Variants in SNX18 observed in about 807,000 individuals in gnomAD.
SNX18 encodes the protein sorting nexin 18.
In SNX18, 35 loss-of-function variants were observed where a neutral mutation model predicts 48.7. The ratio of observed to expected loss-of-function variants is 0.72; its 90% CI spans 0.55 to 0.95. The LOEUF is 0.95. SNX18 is among the 40% of genes least tolerant of loss of function. The probability of loss-of-function intolerance (pLI) is 0.00; values close to 1 mark genes in which losing one functional copy is unlikely to be tolerated. For missense variants in SNX18, 824 were observed against 871.0 expected (o/e 0.95, Z 0.68); for synonymous variants, 492 against 384.7 (o/e 1.28, Z -3.26).
chr5:54,582,860 C>T, the SNX18 span, among the ~76,000 whole-genome samples: 1 of 151,984 alleles, frequency 6.6e-6, no homozygotes, highest in Non-Finnish European at 1.5e-5. Context: ...AGAAGCAAAC[C>T]AACCATGATA....
At chr5:54,586,357 G>A in the SNX18 span, among the ~76,000 whole-genome samples, 2 of 152,146 alleles carry the variant, frequency 1.3e-5, no homozygotes, top group Non-Finnish European at 2.9e-5. Flanking sequence ...GTGGGGAAAT[G>A]AGGGACAGAG....
rs1228442388 is a variant in SNX18, at chr5:54,518,599, C to T, written c.647C>T (p.Pro216Leu). The T allele has an allele frequency of 2.5e-6, 4 of 1,576,634 alleles. No individual in the cohort carries two copies. The highest frequency in any genetic ancestry group is 2.7e-5 in the African/African-American group (2 of 73,966). Residue 216 changes from proline (P) to leucine (L), a missense_variant, in exon 1 of 2, where the codon CCG (proline) becomes CTG (leucine). Pro to Leu is a moderately conservative substitution (Grantham distance 98). Coordinates refer to ENST00000381410, the MANE Select transcript of SNX18 (RefSeq NM_001102575.2). ...RGGSVPPQHHPSGPKSSATVS... is the reference protein window; with the variant it reads ...RGGSVPPQHHLSGPKSSATVS... The stretch of plus-strand genomic sequence containing the variant: ...GGCTCGGTCCCCCCGCAGCACCACC[C>T]GTCGGGGCCCAAGAGCTCGGCCACC...
chr5:54,593,141 A>T, the SNX18 span, among the ~76,000 whole-genome samples: 2 of 152,174 alleles, frequency 1.3e-5, no homozygotes, highest in African/African-American at 4.8e-5. Flanking sequence ...CTATGAAAAA[A>T]ATTCTAAGGG....
chr5:54,560,911 G>A, the SNX18 span, among the ~76,000 whole-genome samples: 5 of 152,186 alleles, frequency 3.3e-5, no homozygotes, highest in East Asian at 9.7e-4. Flanking sequence ...TTCCTCTTGA[G>A]GGAACCAGGC....
At chr5:54,522,806 A>G (rs985914334) in intron 1 of SNX18, among the ~76,000 whole-genome samples, 3 of 152,194 alleles carry the variant, frequency 2.0e-5, no homozygotes, top group Non-Finnish European at 4.4e-5. Context: ...TTTCCTGACT[A>G]TACTAAATAC....
At chr5:54,567,035 G>T in the SNX18 span, among the ~76,000 whole-genome samples, 3 of 152,076 alleles carry the variant, frequency 2.0e-5, no homozygotes, top group African/African-American at 7.2e-5. Flanking sequence ...TGCTTCTCTA[G>T]TACTCTTCTT....
chr5:54,519,434 C>CT lies in SNX18; in HGVS notation c.1484dup (p.Thr496HisfsTer6), dbSNP rs773355090. On this transcript the variant is annotated frameshift_variant, in exon 1 of 2. Coordinates refer to ENST00000381410, the MANE Select transcript of SNX18 (RefSeq NM_001102575.2). LOFTEE classifies it high-confidence loss of function. The stretch of plus-strand genomic sequence containing the variant: ...CGGTGGGCCTGAACCAGGCTATCGC[C>CT]TTCACCGGAGATGCCTATGACGCCA... 6.2e-7 allele frequency: 1 copy of CT among 1,614,062 alleles called. No individual in the cohort carries two copies. Among genetic ancestry groups the CT allele is most frequent in the Non-Finnish European group, 8.5e-7 (1 of 1,180,038 alleles).
the SNX18 span, among the ~76,000 whole-genome samples, chr5:54,612,644 C>T: frequency 7.6e-4 from 116 of 152,292 alleles, no homozygotes; most frequent in African/African-American, 2.6e-3. Context: ...AAAAACAAAA[C>T]ACTGTCCACT....
At chr5:54,578,061 TG>T in the SNX18 span, among the ~76,000 whole-genome samples, 5 of 152,108 alleles carry the variant, frequency 3.3e-5, no homozygotes, top group African/African-American at 7.2e-5. Flanking sequence ...CTCTTCAAGG[TG>T]GGGGGCTTGT....
chr5:54,641,794 T>G, the SNX18 span, among the ~76,000 whole-genome samples: 1 of 152,264 alleles, frequency 6.6e-6, no homozygotes, highest in East Asian at 1.9e-4. Flanking sequence ...GCTGAATGTG[T>G]GTATGTATGC....
At chr5:54,632,963 T>C in the SNX18 span, among the ~76,000 whole-genome samples, 1 of 151,818 alleles carries the variant, frequency 6.6e-6, no homozygotes, top group African/African-American at 2.4e-5. Context: ...TTAGTAGAGA[T>C]GGGGTTTCTC....
chr5:54,574,830 G>C, the SNX18 span, among the ~76,000 whole-genome samples: 1 of 152,146 alleles, frequency 6.6e-6, no homozygotes, highest in South Asian at 2.1e-4. Context: ...CCAGCGAGAT[G>C]CAGAGCCAAC....
At chr5:54,628,429 G>A in the SNX18 span, among the ~76,000 whole-genome samples, 1 of 152,228 alleles carries the variant, frequency 6.6e-6, no homozygotes, top group Admixed American at 6.5e-5. Context: ...AGACCTGGCT[G>A]TCACTCTGGC....
Position 54,518,411 on chromosome 5 carries a change from C to CTGGGACGACGAG in SNX18, c.469_480dup (p.Glu157_Asp160dup), listed in dbSNP as rs1475559248. The CTGGGACGACGAG allele has an allele frequency of 3.2e-6, 5 of 1,586,338 alleles. No homozygotes were observed. The highest frequency in any genetic ancestry group is 4.3e-6 in the Non-Finnish European group (5 of 1,167,254). ...AGGCCAGCCAAGGCAGCGATGATGA[C>CTGGGACGACGAG]TGGGACGACGAGTGGGACGACAGCT... On this transcript the variant is annotated inframe_insertion, in exon 1 of 2. Transcript: ENST00000381410.
the SNX18 span, among the ~76,000 whole-genome samples, chr5:54,559,832 A>T: frequency 6.6e-6 from 1 of 152,254 alleles, no homozygotes; most frequent in African/African-American, 2.4e-5. Context: ...TCTAATATCC[A>T]GCATCTATAA....
the SNX18 span, among the ~76,000 whole-genome samples, chr5:54,557,868 C>T: frequency 6.6e-6 from 1 of 151,978 alleles, no homozygotes; most frequent in Non-Finnish European, 1.5e-5. Context: ...TTGGACGCTC[C>T]CATGTATTGT....
chr5:54,574,167 T>C, the SNX18 span, among the ~76,000 whole-genome samples: 1 of 152,222 alleles, frequency 6.6e-6, no homozygotes. Context: ...CTTGACTACT[T>C]GCACACCTGA....
the SNX18 span, chr5:54,645,687 T>C: frequency 1.3e-5 from 2 of 152,364 alleles, no homozygotes; most frequent in East Asian, 3.9e-4. Context: ...TGTGGGCTCC[T>C]TGGCTCCATT....
chr5:54,580,910 A>G, the SNX18 span, among the ~76,000 whole-genome samples: 2 of 152,234 alleles, frequency 1.3e-5, no homozygotes, highest in Non-Finnish European at 2.9e-5. Context: ...AACTTTGCTC[A>G]TGAATACTGA....
Sources: allele counts gnomAD v4.1 joint callset (sites outside exome capture counted in the v4.1 genomes callset), GRCh38; gene constraint gnomAD v4.1.1; transcripts MANE v1.5; gene names NCBI Gene and HGNC (gene_info 2026-07-23, HGNC 2026-07-21).